Variants in KALRN observed in about 807,000 individuals in gnomAD.
KALRN encodes kalirin.
KALRN carries 70 observed loss-of-function variants against 353.7 expected under a neutral mutation model. That is an observed-to-expected ratio of 0.20 (90% CI 0.16 to 0.24). The LOEUF (loss-of-function observed/expected upper bound fraction) is 0.24. Ranked by LOEUF, KALRN falls within the 10% of genes least tolerant of loss-of-function variation. The pLI, the probability that KALRN is intolerant of heterozygous loss-of-function variation, is 1.00. For missense variants in KALRN, 2,791 were observed against 3,756.7 expected, an observed-to-expected ratio of 0.74 and a Z score of 6.72; for synonymous variants, 1,391 against 1,434.8, an observed-to-expected ratio of 0.97 and a Z score of 0.69.
intron 33 of KALRN, among the ~76,000 whole-genome samples, chr3:124,515,905 G>T (rs904983666): frequency 6.6e-6 from 1 of 152,224 alleles, no homozygotes; most frequent in Non-Finnish European, 1.5e-5. Flanking sequence ...TAAAATAATG[G>T]CTTCCTGGAT....
At chr3:124,172,359 A>T (rs1284991070) in intron 1 of KALRN, among the ~76,000 whole-genome samples, 1 of 152,162 alleles carries the variant, frequency 6.6e-6, no homozygotes, top group Admixed American at 6.5e-5. Context: ...ATAAATGTAC[A>T]AGGAGGAAGA....
intron 14 of KALRN, among the ~76,000 whole-genome samples, chr3:124,415,218 AT>A (rs1463511570): frequency 1.3e-5 from 2 of 152,272 alleles, no homozygotes; most frequent in Non-Finnish European, 2.9e-5. Context: ...TTTTTTTTAA[AT>A]GACAGTGCCC....
At chr3:124,094,792 A>C (rs1333918477) in intron 1 of KALRN, 1 of 1,545,136 alleles carries the variant, frequency 6.5e-7, no homozygotes, top group East Asian at 2.2e-5. Context: ...TGGTGGGATG[A>C]GGCTCTGCCG....
chr3:124,540,882 C>T (rs1012065266), intron 33 of KALRN, among the ~76,000 whole-genome samples: 3 of 152,206 alleles, frequency 2.0e-5, no homozygotes, highest in African/African-American at 4.8e-5. Flanking sequence ...GTCAACCCCC[C>T]ACAGCAGAGC....
chr3:124,375,180 G>A (rs956179025), intron 10 of KALRN, among the ~76,000 whole-genome samples: 7 of 152,096 alleles, frequency 4.6e-5, no homozygotes, highest in Admixed American at 6.6e-5. Context: ...GGTTGCTTCC[G>A]AGCAGCAATA....
chr3:124,182,097 A>T (rs1336414389), intron 1 of KALRN, among the ~76,000 whole-genome samples: 1 of 152,370 alleles, frequency 6.6e-6, no homozygotes, highest in African/African-American at 2.4e-5. Flanking sequence ...GCTGGAAGAC[A>T]TTAGTTGGTC....
intron 1 of KALRN, among the ~76,000 whole-genome samples, chr3:124,055,642 G>A (rs1439496623): frequency 6.6e-6 from 1 of 152,184 alleles, no homozygotes; most frequent in Non-Finnish European, 1.5e-5. Context: ...CAGCTCTCCA[G>A]TGGAGGTCCT....
chr3:124,461,092 A>G (rs1006393464), intron 23 of KALRN, among the ~76,000 whole-genome samples: 6 of 152,262 alleles, frequency 3.9e-5, no homozygotes, highest in Non-Finnish European at 1.5e-5. Flanking sequence ...AATTTGACCT[A>G]CCAACTATTT....
At chr3:124,116,966 G>A (rs1426009585) in intron 1 of KALRN, among the ~76,000 whole-genome samples, 1 of 152,208 alleles carries the variant, frequency 6.6e-6, no homozygotes, top group African/African-American at 2.4e-5. Flanking sequence ...AATCTCCTTT[G>A]TCCACCAAAG....
At chr3:124,477,411 AT>A in intron 27 of KALRN, 77 bp downstream of exon 27, 1 of 1,084,516 alleles carries the variant, frequency 9.2e-7, no homozygotes, top group Non-Finnish European at 1.4e-6. Flanking sequence ...ATGGATGGAT[AT>A]TTAGCTATCC....
intron 33 of KALRN, among the ~76,000 whole-genome samples, chr3:124,536,985 C>T (rs2068570678): frequency 1.3e-5 from 2 of 152,180 alleles, no homozygotes; most frequent in African/African-American, 4.8e-5. Flanking sequence ...AGGCGAAGTA[C>T]AGCACTTTCC....
chr3:124,600,053 T>G (rs6797559), intron 34 of KALRN, among the ~76,000 whole-genome samples: 23,549 of 152,142 alleles, frequency 0.15, 1,955 homozygotes, highest in Middle Eastern at 0.19. Flanking sequence ...CTGTTCTCAG[T>G]GAGATGTGTG....
At chr3:124,082,177 G>C in intron 1 of KALRN, 1 of 443,290 alleles carries the variant, frequency 2.3e-6, no homozygotes, top group Non-Finnish European at 4.7e-6. Flanking sequence ...GGGTTTGGCA[G>C]CACCATTGCC....
chr3:124,048,368 G>C (rs1007628797), intron 1 of KALRN, among the ~76,000 whole-genome samples: 2 of 152,050 alleles, frequency 1.3e-5, no homozygotes, highest in East Asian at 3.9e-4. Context: ...TTATACAAAT[G>C]GATAGCTTTT....
At chr3:124,291,827 A>G (rs2076443957) in intron 5 of KALRN, among the ~76,000 whole-genome samples, 1 of 152,194 alleles carries the variant, frequency 6.6e-6, no homozygotes, top group South Asian at 2.1e-4. Flanking sequence ...TCTCTTTTAC[A>G]CAATATATAA....
At chr3:124,583,826 CT>C (rs1032351891) in intron 34 of KALRN, among the ~76,000 whole-genome samples, 3 of 152,140 alleles carry the variant, frequency 2.0e-5, no homozygotes, top group African/African-American at 7.2e-5. Flanking sequence ...CTCCTACCTA[CT>C]AAATCAGCAA....
At chr3:124,244,854 T>G (rs1433285295) in intron 3 of KALRN, among the ~76,000 whole-genome samples, 1 of 152,108 alleles carries the variant, frequency 6.6e-6, no homozygotes, top group Non-Finnish European at 1.5e-5. Flanking sequence ...TAATTTTTTT[T>G]TGCTTTTTAA....
chr3:124,480,727 C>T (rs754929545), intron 27 of KALRN, among the ~76,000 whole-genome samples: 1 of 152,178 alleles, frequency 6.6e-6, no homozygotes, highest in Non-Finnish European at 1.5e-5. Context: ...CCCCAACCCA[C>T]AAGCAACCAA....
chr3:124,308,624 A>C (rs2077940056), intron 6 of KALRN, among the ~76,000 whole-genome samples: 1 of 152,000 alleles, frequency 6.6e-6, no homozygotes, highest in African/African-American at 2.4e-5. Context: ...AGATGAATGA[A>C]ATTTTTGACA....
Sources: gnomAD v4.1 joint callset for allele counts (sites outside exome capture counted in the v4.1 genomes callset) on GRCh38, gnomAD v4.1.1 for gene constraint, MANE v1.5 for transcripts, NCBI Gene and HGNC (gene_info 2026-07-23, HGNC 2026-07-21) for gene names.